The following SCD5 variants were observed in gnomAD, a reference collection of about 807,000 sequenced individuals.
SCD5 encodes stearoyl-CoA desaturase 5.
SCD5 carries 20 observed loss-of-function variants against 30.4 expected under a neutral mutation model. That is an observed-to-expected ratio of 0.66 (90% CI 0.46 to 0.96). The LOEUF (loss-of-function observed/expected upper bound fraction) is 0.96, where lower values mean the gene tolerates loss of function less well. Ranked by LOEUF, SCD5 falls within the 40% of genes least tolerant of loss-of-function variation. SCD5 has a pLI of 0.00. For synonymous variants in SCD5, 173 were observed against 176.4 expected (o/e 0.98, Z 0.16); for missense variants, 381 against 443.3 (o/e 0.86, Z 1.26).
intron 3 of SCD5, among the ~76,000 whole-genome samples, chr4:82,679,011 A>G (rs1407925986): frequency 6.6e-6 from 1 of 151,832 alleles, no homozygotes; most frequent in Non-Finnish European, 1.5e-5. Flanking sequence ...CAGCCTGGCC[A>G]ATATGGTGAA....
intron 1 of SCD5, among the ~76,000 whole-genome samples, chr4:82,781,419 A>AG (rs1452580761): frequency 2.6e-5 from 4 of 151,936 alleles, no homozygotes; most frequent in Admixed American, 6.6e-5. Flanking sequence ...CTGTCTCAAA[A>AG]AAAAAAAGAA....
At chr4:82,664,223 TG>T (rs1231897071) in intron 3 of SCD5, among the ~76,000 whole-genome samples, 1 of 152,160 alleles carries the variant, frequency 6.6e-6, no homozygotes, top group Non-Finnish European at 1.5e-5. Flanking sequence ...GTGAAGTCTG[TG>T]GTGCACTAAG....
chr4:82,633,191 G>A (rs181766457), intron 4 of SCD5, among the ~76,000 whole-genome samples: 2,307 of 85,620 alleles, frequency 0.027, 33 homozygotes, highest in Non-Finnish European at 0.038. Context: ...GCTCTACTTC[G>A]TTCAACTTTT....
At chr4:82,647,336 C>T (rs1727652960) in intron 3 of SCD5, among the ~76,000 whole-genome samples, 1 of 13,926 alleles carries the variant, frequency 7.2e-5, no homozygotes, top group African/African-American at 1.1e-3. Flanking sequence ...GCAAGTTTAA[C>T]TCCAAAACTC....
At chr4:82,675,086 T>C (rs1397797421) in intron 3 of SCD5, among the ~76,000 whole-genome samples, 1 of 152,184 alleles carries the variant, frequency 6.6e-6, no homozygotes, top group Non-Finnish European at 1.5e-5. Flanking sequence ...CCATGGACTA[T>C]ACAACACCAA....
At chr4:82,732,913 A>C (rs545663524) in intron 1 of SCD5, among the ~76,000 whole-genome samples, 1 of 152,300 alleles carries the variant, frequency 6.6e-6, no homozygotes, top group East Asian at 1.9e-4. Context: ...CACCACCTGG[A>C]ACTTGCTAGA....
chr4:82,691,395 G>C (rs1439413470), intron 2 of SCD5, among the ~76,000 whole-genome samples: 1 of 152,144 alleles, frequency 6.6e-6, no homozygotes, highest in African/African-American at 2.4e-5. Flanking sequence ...GGGAGGGAGA[G>C]GGGAATTGTC....
At chr4:82,710,331 G>A (rs1720055067) in intron 1 of SCD5, among the ~76,000 whole-genome samples, 1 of 152,118 alleles carries the variant, frequency 6.6e-6, no homozygotes, top group Non-Finnish European at 1.5e-5. Context: ...ACCACCAGAT[G>A]CTGACTCTCC....
At chr4:82,679,259 A>AG (rs1232159270) in intron 3 of SCD5, among the ~76,000 whole-genome samples, 4 of 109,288 alleles carry the variant, frequency 3.7e-5, no homozygotes, top group Non-Finnish European at 7.6e-5. Context: ...AAAGAAAGAA[A>AG]GAAGGAAGGA....
intron 1 of SCD5, among the ~76,000 whole-genome samples, chr4:82,713,276 C>T (rs1292793530): frequency 6.6e-6 from 1 of 152,098 alleles, no homozygotes; most frequent in Admixed American, 6.5e-5. Flanking sequence ...TCCATTTACA[C>T]GGTTGTAACA....
Position 82,762,089 on chromosome 4 carries a change from G to A in SCD5, c.232+36217C>T, listed in dbSNP as rs138042688. Among the ~76,000 whole-genome samples the A allele has an allele frequency of 6.4e-3, 960 of 151,126 alleles. 8 individuals are homozygous for A. Among genetic ancestry groups the A allele is most frequent in the African/African-American group, 0.022 (907 of 41,190 alleles). On this transcript the variant is annotated intron_variant, in intron 1 of 4. Coordinates refer to ENST00000319540, the MANE Select transcript of SCD5 (RefSeq NM_001037582.3). Reference sequence around the variant, plus strand: ...CATGGGGGACAGAAGTGAGAGGATCGCTTGAGCCCAGGGAGTAGAGGCTGC... The same window carrying A: ...CATGGGGGACAGAAGTGAGAGGATCACTTGAGCCCAGGGAGTAGAGGCTGC...
intron 3 of SCD5, among the ~76,000 whole-genome samples, chr4:82,642,429 A>G (rs4693043): frequency 0.85 from 129,065 of 152,116 alleles, 54,854 homozygotes; most frequent in East Asian, 0.99. Context: ...TCCCCTCAGG[A>G]TTTGAAGTGG....
chr4:82,788,379 C>T (rs1364448098), intron 1 of SCD5, among the ~76,000 whole-genome samples: 1 of 151,918 alleles, frequency 6.6e-6, no homozygotes, highest in Non-Finnish European at 1.5e-5. Flanking sequence ...TGACACAATC[C>T]TACATGTGAG....
At chr4:82,765,416 A>G (rs1325622767) in intron 1 of SCD5, among the ~76,000 whole-genome samples, 5 of 152,120 alleles carry the variant, frequency 3.3e-5, no homozygotes, top group African/African-American at 4.8e-5. Context: ...TGGTATCCAC[A>G]GTGAATTGGT....
In SCD5 at chr4:82,680,625, T is replaced by C. The variant is rs1728546285; in HGVS notation, c.569+82A>G. 8.8e-6 allele frequency: 11 copies of C among 1,254,704 alleles called. No homozygotes were observed. The Admixed American group carries it at 1.4e-4, about 16-fold the overall frequency. 77.7% of individuals were successfully genotyped at this position (1,254,704 alleles called of 1,614,324 possible). A position where few individuals can be genotyped will look rare whatever the true frequency, so the allele number is the denominator to read the frequency against. ...GGGCAAATGCTTGAGAAGAACGCTA[T>C]GGGGTTATGAGTCCACCTCATTGTG... is the stretch of plus-strand genomic sequence containing the variant. On this transcript the variant is annotated intron_variant, in intron 3 of 4. Coordinates refer to ENST00000319540, the MANE Select transcript of SCD5 (RefSeq NM_001037582.3).
chr4:82,657,615 G>GT (rs776939167), intron 3 of SCD5, among the ~76,000 whole-genome samples: 12 of 152,174 alleles, frequency 7.9e-5, no homozygotes, highest in Non-Finnish European at 1.5e-4. Flanking sequence ...ATTTAAAGTA[G>GT]TTTTTTCTAA....
Position 82,665,076 on chromosome 4 carries a change from ATTTTT to A in SCD5, c.569+15626_569+15630del, listed in dbSNP as rs59529272. On this transcript the variant is annotated intron_variant, in intron 3 of 4. Transcript: ENST00000319540. ...TACACACACACATATATATATATAT[ATTTTT>A]TTTTTAATTTAATCAGGCATGGTGG... Among the ~76,000 whole-genome samples the A allele has an allele frequency of 2.3e-4, 17 of 74,924 alleles. 1 individual carries two copies. Among genetic ancestry groups the A allele is most frequent in the African/African-American group, 4.8e-4 (10 of 20,694 alleles). The allele number at this position is 74,924 out of a possible 152,430, so 49.2% of individuals were successfully genotyped here. A position where few individuals can be genotyped will look rare whatever the true frequency, so the allele number is the denominator to read the frequency against.
chr4:82,743,826 T>C (rs1203010753), intron 1 of SCD5, among the ~76,000 whole-genome samples: 1 of 151,904 alleles, frequency 6.6e-6, no homozygotes, highest in African/African-American at 2.4e-5. Flanking sequence ...GCCACTAACT[T>C]CTTTGTTGTT....
Position 82,791,270 on chromosome 4 carries a change from G to A in SCD5, c.232+7036C>T, listed in dbSNP as rs184668818. 4.4e-3 allele frequency among the ~76,000 whole-genome samples: 668 copies of A among 152,040 alleles called. 2 individuals are homozygous for A. The highest frequency in any genetic ancestry group is 0.015 in the African/African-American group (630 of 41,470). On this transcript the variant is annotated intron_variant, in intron 1 of 4. Transcript: ENST00000319540. ...AAAAGATTAGTGGATGAATGAATAT[G>A]TGCCTGCATGCACTACTGTGAGGAT... is the stretch of plus-strand genomic sequence containing the variant.
Sources: allele counts gnomAD v4.1 joint callset (sites outside exome capture counted in the v4.1 genomes callset), GRCh38; gene constraint gnomAD v4.1.1; transcripts MANE v1.5; gene names NCBI Gene and HGNC (gene_info 2026-07-23, HGNC 2026-07-21).